The following PPEF1 variants were observed in gnomAD, a reference collection of about 807,000 sequenced individuals.
PPEF1 encodes the protein protein phosphatase with EF-hand domain 1.
PPEF1 carries 12 observed loss-of-function variants against 53.3 expected under a neutral mutation model. The ratio of observed to expected loss-of-function variants is 0.23; its 90% CI spans 0.14 to 0.36. PPEF1 has a LOEUF of 0.36. Among genes scored for constraint, PPEF1 ranks in the 10% least tolerant of loss-of-function variants. The pLI is 1.00. For synonymous variants in PPEF1, 165 were observed against 176.7 expected, an observed-to-expected ratio of 0.93 and a Z score of 0.52; for missense variants, 334 against 490.4, an observed-to-expected ratio of 0.68 and a Z score of 3.01.
At chrX:18,793,120 A>G (rs1233086444) in intron 10 of PPEF1, among the ~76,000 whole-genome samples, 3 of 107,241 alleles carry the variant, frequency 2.8e-5, no homozygotes, top group African/African-American at 1.0e-4. Context: ...AGGTAATATC[A>G]TTGACTTGAG....
chrX:18,722,347 G>T (rs2044606661), intron 1 of PPEF1, among the ~76,000 whole-genome samples: 1 of 111,604 alleles, frequency 9.0e-6, no homozygotes, highest in African/African-American at 3.3e-5. Context: ...CTTGTGCCTG[G>T]GTCTCTTCTT....
chrX:18,731,647 G>A (rs972374272), intron 2 of PPEF1, among the ~76,000 whole-genome samples: 7 of 111,713 alleles, frequency 6.3e-5, no homozygotes, highest in Admixed American at 5.7e-4. Context: ...CATTTAAAGT[G>A]TGCAATTCAA....
chrX:18,803,923 G>T lies in PPEF1; in HGVS notation c.1097G>T (p.Gly366Val), dbSNP rs145571341. Residue 366 changes from glycine (G) to valine (V), a missense_variant, in exon 11 of 16, where the codon GGC (glycine) becomes GTC (valine). Gly to Val is a moderately radical substitution (Grantham distance 109). Coordinates refer to ENST00000470157, the MANE Select transcript of PPEF1 (RefSeq NM_001377996.1). The stretch of plus-strand genomic sequence containing the variant: ...GATATTCTGTGGAGTGATCCCAGAG[G>T]CAAAAATGGCTGTTTTCCAAATACG... ...IIDILWSDPR[G>V]KNGCFPNTCR... 6 of 1,208,972 alleles carry T rather than the reference G, an allele frequency of 5.0e-6. No homozygotes were observed. Among genetic ancestry groups the T allele is most frequent in the Middle Eastern group, 2.3e-4 (1 of 4,342 alleles).
At chrX:18,730,992 G>A (rs1221798396) in intron 2 of PPEF1, among the ~76,000 whole-genome samples, 1 of 111,948 alleles carries the variant, frequency 8.9e-6, no homozygotes, top group Non-Finnish European at 1.9e-5. Flanking sequence ...TGGAATTACA[G>A]GCGTGAGCCA....
intron 9 of PPEF1, among the ~76,000 whole-genome samples, chrX:18,788,268 G>C (rs1219197206): frequency 4.6e-5 from 4 of 86,341 alleles, no homozygotes; most frequent in African/African-American, 4.8e-5. Context: ...TCGCGCCACT[G>C]CACTCCAGCC....
chrX:18,719,857 G>A (rs1433690241), intron 1 of PPEF1, among the ~76,000 whole-genome samples: 7 of 111,808 alleles, frequency 6.3e-5, no homozygotes, highest in Non-Finnish European at 9.4e-5. Context: ...TGGATATTTT[G>A]GAGAACAGAA....
At chrX:18,763,693 G>A (rs2045711945) in intron 6 of PPEF1, among the ~76,000 whole-genome samples, 1 of 111,383 alleles carries the variant, frequency 9.0e-6, no homozygotes, top group African/African-American at 3.3e-5. Context: ...GTATCCAAAA[G>A]CATTTTTAAA....
chrX:18,806,352 C>A (rs368426489), intron 11 of PPEF1, 51 bp from the exon 12 acceptor site: 153 of 1,140,120 alleles, frequency 1.3e-4, no homozygotes, highest in Non-Finnish European at 1.7e-4. Context: ...TATTGAATGA[C>A]CTTTTGAGAA....
chrX:18,701,408 G>A (rs1270098503), intron 6 of PPEF1, among the ~76,000 whole-genome samples: 1 of 112,215 alleles, frequency 8.9e-6, no homozygotes, highest in Non-Finnish European at 1.9e-5. Context: ...TAACTCATCA[G>A]CTAAAAACAG....
Position 18,784,039 on chromosome X carries a change from G to A in PPEF1, c.903G>A (p.Glu301=). 8.4e-7 allele frequency: 1 copy of A among 1,196,095 alleles called. No homozygotes were observed. Among genetic ancestry groups the A allele is most frequent in the Non-Finnish European group, 1.1e-6 (1 of 889,348 alleles). The change falls in exon 9 of 16, where the codon GAG becomes GAA. Residue 301 remains glutamate, a synonymous_variant. Transcript: ENST00000470157. ...TTDLNLLHRV[E]RNKMKSVLIP... ...ACTTGAATTTACTCCACCGTGTAGA[G>A]AGGAACAAGGTAAGAAGTAATGTTG...
intron 6 of PPEF1, among the ~76,000 whole-genome samples, chrX:18,766,071 AAAAAAAAAAAAAAG>A (rs1197197322): frequency 1.9e-5 from 2 of 103,993 alleles, no homozygotes; most frequent in South Asian, 4.0e-4. Flanking sequence ...GTCTCAAAAA[AAAAAAAAAAAAAAG>A]AAAAAAGAAA....
At chrX:18,748,487 T>C (rs1424322959) in intron 3 of PPEF1, among the ~76,000 whole-genome samples, 3 of 112,536 alleles carry the variant, frequency 2.7e-5, no homozygotes, top group African/African-American at 9.7e-5. Context: ...AGTATGTCAT[T>C]GTCCTCTGGG....
rs769267309 is a variant in PPEF1 at position 18,684,627 on chromosome X, T to C, written c.-637-25T>C. Among the ~76,000 whole-genome samples, 25 of 107,936 alleles carry C rather than the reference T, an allele frequency of 2.3e-4. No individual in the cohort carries two copies. The East Asian group carries it at 5.5e-3, about 24-fold the overall frequency. The allele number at this position is 107,936 out of a possible 115,157, so 93.7% of individuals were successfully genotyped here. On this transcript the variant is annotated intron_variant, in intron 1 of 21. Transcript: ENST00000361511. Reference sequence around the variant, plus strand: ...CTAGTATCTTTTTCTCTCTCTCTTTTTTTTTTTTTTTTAATTTGAGGCAGA... The same window carrying C: ...CTAGTATCTTTTTCTCTCTCTCTTTCTTTTTTTTTTTTAATTTGAGGCAGA...
At position 18,783,982 on chromosome X, in the gene PPEF1, G is replaced by A; in HGVS notation, c.846G>A (p.Leu282=). 1 of 1,207,807 alleles carries A rather than the reference G, an allele frequency of 8.3e-7. No homozygotes were observed. Among genetic ancestry groups the A allele is most frequent in the South Asian group, 1.8e-5 (1 of 56,722 alleles). ...PIGTIVDNEI[L]VIHGGISETT... is the part of the protein sequence containing the mutation. ...GTACAATCGTTGACAATGAAATCCT[G>A]GTCATCCATGGTGGGATATCAGAGA... Residue 282 remains leucine, a synonymous_variant, in exon 9 of 16, where the codon CTG becomes CTA. Transcript: ENST00000470157.
At chrX:18,681,944 C>G (rs1337937788), upstream of PPEF1, among the ~76,000 whole-genome samples, 3 of 112,370 alleles carry the variant, frequency 2.7e-5, no homozygotes, top group Non-Finnish European at 5.6e-5. Context: ...GAGTGCAAAA[C>G]AAACCTTTAT....
chrX:18,806,255 TAGAAA>T (rs2046661019), intron 11 of PPEF1, 143 bp from the exon 12 acceptor site: 2 of 641,393 alleles, frequency 3.1e-6, no homozygotes, highest in African/African-American at 4.5e-5. Flanking sequence ...GATGCAGTCA[TAGAAA>T]TCACATCAGA....
chrX:18,706,867 C>T (rs1239854689), upstream of PPEF1, among the ~76,000 whole-genome samples: 17 of 72,199 alleles, frequency 2.4e-4, no homozygotes, highest in African/African-American at 7.4e-4. Context: ...CTCGCTTTGT[C>T]GCCCAGGCTA....
intron 5 of PPEF1, among the ~76,000 whole-genome samples, chrX:18,699,501 C>T (rs771781317): frequency 2.7e-5 from 3 of 111,867 alleles, no homozygotes; most frequent in East Asian, 2.8e-4. Flanking sequence ...CTGCTGGCAG[C>T]GCGGCCGCGA....
At chrX:18,812,340 T>C (rs1050803421) in intron 12 of PPEF1, among the ~76,000 whole-genome samples, 9 of 112,339 alleles carry the variant, frequency 8.0e-5, no homozygotes, top group Admixed American at 2.8e-4. Context: ...TCTATGTCTA[T>C]GTCTATCCTA....
Sources: allele counts gnomAD v4.1 joint callset (sites outside exome capture counted in the v4.1 genomes callset), GRCh38; gene constraint gnomAD v4.1.1; transcripts MANE v1.5; gene names NCBI Gene and HGNC (gene_info 2026-07-23, HGNC 2026-07-21).